The following MYRIP variants were observed in gnomAD, a reference collection of about 807,000 sequenced individuals.
MYRIP encodes myosin VIIA and Rab interacting protein.
MYRIP carries 49 observed loss-of-function variants against 98.0 expected under a neutral mutation model. The ratio of observed to expected loss-of-function variants is 0.50; its 90% CI spans 0.40 to 0.63. The LOEUF is 0.63. Among genes scored for constraint, MYRIP ranks in the 30% least tolerant of loss-of-function variants. The probability of loss-of-function intolerance (pLI) is 0.00; values close to 1 mark genes in which losing one functional copy is unlikely to be tolerated. For missense variants in MYRIP, 1,004 were observed against 1,058.2 expected, an observed-to-expected ratio of 0.95 and a Z score of 0.71; for synonymous variants, 404 against 409.5, an observed-to-expected ratio of 0.99 and a Z score of 0.16.
intron 12 of MYRIP, among the ~76,000 whole-genome samples, chr3:40,236,567 A>C (rs937541736): frequency 1.3e-5 from 2 of 152,232 alleles, no homozygotes; most frequent in Non-Finnish European, 2.9e-5. Flanking sequence ...GATGAAAAAA[A>C]CAGTGTAATA....
intron 11 of MYRIP, among the ~76,000 whole-genome samples, chr3:40,218,051 G>GA (rs955186827): frequency 6.6e-6 from 1 of 151,834 alleles, no homozygotes; most frequent in Non-Finnish European, 1.5e-5. Flanking sequence ...AAAATATAAA[G>GA]AAAAAATTAT....
chr3:39,985,665 C>CTA (rs1274454494), intron 2 of MYRIP, among the ~76,000 whole-genome samples: 1 of 147,690 alleles, frequency 6.8e-6, no homozygotes, highest in East Asian at 2.0e-4. Context: ...ATATCTACAA[C>CTA]TATCTGATCT....
chr3:40,257,817 T>A (rs1372318874), intron 16 of MYRIP, among the ~76,000 whole-genome samples: 2 of 152,198 alleles, frequency 1.3e-5, no homozygotes, highest in African/African-American at 4.8e-5. Context: ...ATTATCTTTA[T>A]AAAAGATTTA....
At chr3:40,221,384 A>C (rs1158862759) in intron 11 of MYRIP, among the ~76,000 whole-genome samples, 1 of 152,230 alleles carries the variant, frequency 6.6e-6, no homozygotes, top group African/African-American at 2.4e-5. Context: ...TAATGCCAAC[A>C]CTTTAGGAGG....
chr3:40,125,262 C>T (rs1019903571), intron 3 of MYRIP, among the ~76,000 whole-genome samples: 1 of 152,184 alleles, frequency 6.6e-6, no homozygotes, highest in Non-Finnish European at 1.5e-5. Flanking sequence ...TATTAACTTA[C>T]ATGATCACAA....
intron 1 of MYRIP, among the ~76,000 whole-genome samples, chr3:39,847,257 G>C (rs1941991741): frequency 6.6e-6 from 1 of 152,140 alleles, no homozygotes; most frequent in African/African-American, 2.4e-5. Context: ...TTCCCCAGAA[G>C]AGGATGCAAA....
chr3:40,103,598 A>G (rs530307333), intron 3 of MYRIP, among the ~76,000 whole-genome samples: 16 of 152,322 alleles, frequency 1.1e-4, no homozygotes, highest in Admixed American at 9.1e-4. Flanking sequence ...GTCTCTACTA[A>G]AAATACAAAA....
At chr3:40,096,415 C>T (rs970037389) in intron 3 of MYRIP, among the ~76,000 whole-genome samples, 3 of 152,138 alleles carry the variant, frequency 2.0e-5, no homozygotes, top group Non-Finnish European at 4.4e-5. Context: ...AAGGGAGGTG[C>T]TGTGAGGATA....
chr3:39,957,139 A>C (rs967810129), intron 2 of MYRIP, among the ~76,000 whole-genome samples: 1 of 151,884 alleles, frequency 6.6e-6, no homozygotes, highest in African/African-American at 2.4e-5. Context: ...AAACTATTCC[A>C]ATCAATAGAA....
intron 1 of MYRIP, among the ~76,000 whole-genome samples, chr3:39,876,693 G>A (rs1271440116): frequency 6.6e-6 from 1 of 152,052 alleles, no homozygotes; most frequent in South Asian, 2.1e-4. Context: ...GGCTTGTAGA[G>A]TTTCTGCCGA....
intron 10 of MYRIP, among the ~76,000 whole-genome samples, chr3:40,199,877 G>C (rs887731584): frequency 4.6e-5 from 7 of 151,884 alleles, no homozygotes; most frequent in African/African-American, 9.7e-5. Flanking sequence ...CTGAGGCACA[G>C]TTGCTCCCCC....
At chr3:39,986,233 G>A (rs1057332686) in intron 2 of MYRIP, among the ~76,000 whole-genome samples, 8 of 152,150 alleles carry the variant, frequency 5.3e-5, no homozygotes, top group African/African-American at 1.7e-4. Context: ...CTCGTCATTA[G>A]AGTCAGAGCA....
chr3:40,226,453 G>C (rs952018490), intron 11 of MYRIP, among the ~76,000 whole-genome samples: 1 of 152,064 alleles, frequency 6.6e-6, no homozygotes, highest in African/African-American at 2.4e-5. Context: ...AGGTCCTTGC[G>C]ACCTTTGATT....
intron 2 of MYRIP, among the ~76,000 whole-genome samples, chr3:40,035,260 T>G (rs2125823210): frequency 6.6e-6 from 1 of 151,312 alleles, no homozygotes; most frequent in East Asian, 1.9e-4. Context: ...GAAAAAGAAA[T>G]CAAAACCGCA....
At chr3:39,831,774 A>G (rs1293992076) in intron 1 of MYRIP, among the ~76,000 whole-genome samples, 1 of 152,236 alleles carries the variant, frequency 6.6e-6, no homozygotes, top group Non-Finnish European at 1.5e-5. Flanking sequence ...ATTAAATTCA[A>G]TTAAAAATTC....
At chr3:40,211,694 T>A (rs889715238) in intron 11 of MYRIP, among the ~76,000 whole-genome samples, 1 of 152,210 alleles carries the variant, frequency 6.6e-6, no homozygotes, top group Admixed American at 6.5e-5. Flanking sequence ...ACAATGGCTT[T>A]ATCTCCCACT....
At chr3:39,955,068 C>T (rs572035940) in intron 2 of MYRIP, among the ~76,000 whole-genome samples, 2 of 152,208 alleles carry the variant, frequency 1.3e-5, no homozygotes, top group East Asian at 3.9e-4. Context: ...CTGAAAGTGA[C>T]GGGGAGAATG....
chr3:40,141,627 T>C (rs944705090), intron 3 of MYRIP, among the ~76,000 whole-genome samples: 1 of 152,192 alleles, frequency 6.6e-6, no homozygotes, highest in Admixed American at 6.5e-5. Flanking sequence ...TTGTGTAGGG[T>C]GAGAGGTGGA....
intron 1 of MYRIP, among the ~76,000 whole-genome samples, chr3:39,881,523 CTTGGGAAACAAGT>C (rs765257868): frequency 1.4e-4 from 22 of 152,140 alleles, no homozygotes; most frequent in Admixed American, 3.9e-4. Context: ...ATGCCACTAT[CTTGGGAAACAAGT>C]ACGGACAGTG....
Sources: gnomAD v4.1 joint callset for allele counts (sites outside exome capture counted in the v4.1 genomes callset) on GRCh38, gnomAD v4.1.1 for gene constraint, MANE v1.5 for transcripts, NCBI Gene and HGNC (gene_info 2026-07-23, HGNC 2026-07-21) for gene names.